The following RBFOX1 variants were observed in gnomAD, a reference collection of about 807,000 sequenced individuals.
The protein encoded by RBFOX1 is RNA binding protein fox-1 homolog 1.
In RBFOX1, 8 loss-of-function variants were observed where a neutral mutation model predicts 57.7. The observed-to-expected ratio is 0.14, with a 90% CI of 0.08 to 0.25. RBFOX1 has a LOEUF of 0.25. RBFOX1 is among the 10% of genes least tolerant of loss of function. The probability of loss-of-function intolerance (pLI) is 1.00; values close to 1 mark genes in which losing one functional copy is unlikely to be tolerated. For missense variants in RBFOX1, 611 were observed against 548.5 expected (o/e 1.11, Z -1.14); for synonymous variants, 326 against 222.4 (o/e 1.47, Z -4.15).
chr16:6,461,661 A>ATGATT (rs1187799890), intron 2 of RBFOX1, among the ~76,000 whole-genome samples: 1 of 152,214 alleles, frequency 6.6e-6, no homozygotes, highest in African/African-American at 2.4e-5. Context: ...TAGGGATAAC[A>ATGATT]TGATTTTGTT....
At chr16:5,757,211 T>G (rs2053429228) in intron 3 of RBFOX1, among the ~76,000 whole-genome samples, 1 of 151,392 alleles carries the variant, frequency 6.6e-6, no homozygotes, top group South Asian at 2.1e-4. Context: ...GGGGAAGGTT[T>G]TTTTTGTTTT....
intron 4 of RBFOX1, among the ~76,000 whole-genome samples, chr16:7,144,778 G>A (rs142986635): frequency 4.6e-4 from 70 of 152,232 alleles, no homozygotes; most frequent in African/African-American, 1.6e-3. Flanking sequence ...ATGAAAAAGA[G>A]CCCTAAATCA....
chr16:5,864,369 A>G (rs1040983195), intron 3 of RBFOX1, among the ~76,000 whole-genome samples: 2 of 152,214 alleles, frequency 1.3e-5, no homozygotes, highest in Admixed American at 6.5e-5. Flanking sequence ...ATCTTAAACA[A>G]TTCAGGAAAA....
intron 3 of RBFOX1, among the ~76,000 whole-genome samples, chr16:5,867,059 A>G (rs1326179489): frequency 6.6e-6 from 1 of 152,136 alleles, no homozygotes; most frequent in Non-Finnish European, 1.5e-5. Flanking sequence ...CAAGATTGTT[A>G]TAATATGTTG....
At chr16:6,500,679 T>C (rs1350924367) in intron 2 of RBFOX1, among the ~76,000 whole-genome samples, 1 of 152,050 alleles carries the variant, frequency 6.6e-6, no homozygotes, top group Non-Finnish European at 1.5e-5. Flanking sequence ...AGAAGAGGCA[T>C]TGAACTCAGG....
chr16:5,520,268 C>T (rs2043961861), intron 2 of RBFOX1, among the ~76,000 whole-genome samples: 1 of 152,108 alleles, frequency 6.6e-6, no homozygotes, highest in Non-Finnish European at 1.5e-5. Context: ...TTTGGAATTC[C>T]TACCCATTAG....
At chr16:5,620,972 C>T (rs1455150896) in intron 3 of RBFOX1, among the ~76,000 whole-genome samples, 1 of 152,070 alleles carries the variant, frequency 6.6e-6, no homozygotes, top group African/African-American at 2.4e-5. Flanking sequence ...TCCCAAGTAG[C>T]TGGGACTATA....
intron 2 of RBFOX1, among the ~76,000 whole-genome samples, chr16:6,603,889 C>G (rs1445547025): frequency 5.3e-5 from 8 of 152,074 alleles, no homozygotes; most frequent in African/African-American, 1.2e-4. Context: ...AGTTTTGATC[C>G]CACACTTTGT....
intron 1 of RBFOX1, among the ~76,000 whole-genome samples, chr16:5,356,333 C>G (rs530601857): frequency 8.5e-5 from 13 of 152,298 alleles, no homozygotes; most frequent in African/African-American, 2.9e-4. Context: ...CGATACATTT[C>G]TGTTGTTTTA....
chr16:6,708,323 A>T (rs1336630821), intron 3 of RBFOX1, among the ~76,000 whole-genome samples: 1 of 151,390 alleles, frequency 6.6e-6, no homozygotes, highest in Non-Finnish European at 1.5e-5. Flanking sequence ...CATTCACAAA[A>T]ATCACTGTCT....
intron 1 of RBFOX1, among the ~76,000 whole-genome samples, chr16:5,257,414 G>T (rs1321955376): frequency 1.3e-5 from 2 of 152,156 alleles, no homozygotes; most frequent in Non-Finnish European, 2.9e-5. Context: ...AGGCTGCATT[G>T]CTGTAAACGT....
At chr16:6,497,578 C>T (rs908693711) in intron 2 of RBFOX1, among the ~76,000 whole-genome samples, 1 of 147,418 alleles carries the variant, frequency 6.8e-6, no homozygotes, top group Non-Finnish European at 1.5e-5. Context: ...AAAAAAAAAA[C>T]AGAGTTTTGC....
chr16:7,693,498 A>C (rs146277927), intron 14 of RBFOX1: 6 of 692,648 alleles, frequency 8.7e-6, no homozygotes, highest in African/African-American at 3.8e-5. Context: ...AAAAGATCTT[A>C]TATCTTTGGA....
chr16:6,824,503 A>G (rs938271438), intron 3 of RBFOX1, among the ~76,000 whole-genome samples: 1 of 152,180 alleles, frequency 6.6e-6, no homozygotes, highest in Non-Finnish European at 1.5e-5. Flanking sequence ...TAAATTCTAT[A>G]TTTCATTTTT....
intron 3 of RBFOX1, among the ~76,000 whole-genome samples, chr16:6,793,644 C>T (rs1056286671): frequency 6.6e-6 from 1 of 152,150 alleles, no homozygotes; most frequent in Non-Finnish European, 1.5e-5. Context: ...AAAAAGAAAT[C>T]TTGAGCCAAA....
intron 2 of RBFOX1, among the ~76,000 whole-genome samples, chr16:6,527,421 T>A (rs1226494896): frequency 6.6e-6 from 1 of 152,114 alleles, no homozygotes; most frequent in Non-Finnish European, 1.5e-5. Context: ...CATCACTTAA[T>A]GTATTTTTGG....
At chr16:5,347,770 C>T (rs555341159) in intron 1 of RBFOX1, among the ~76,000 whole-genome samples, 77 of 144,320 alleles carry the variant, frequency 5.3e-4, no homozygotes, top group African/African-American at 1.9e-3. Flanking sequence ...ACCCACACTT[C>T]CACCCACCCA....
chr16:6,493,401 C>A (rs557968027), intron 2 of RBFOX1, among the ~76,000 whole-genome samples: 1 of 152,192 alleles, frequency 6.6e-6, no homozygotes, highest in African/African-American at 2.4e-5. Context: ...TGTCATTCAT[C>A]GCCGGTACTG....
rs1354076118 is a variant in RBFOX1 at position 5,908,075 on chromosome 16, TATATATATATACACATATATACAC to T, written c.351+40796_351+40819del. 1.0e-3 allele frequency among the ~76,000 whole-genome samples: 118 copies of T among 118,212 alleles called. 2 individuals carry two copies. The highest frequency in any genetic ancestry group is 1.4e-3 in the Non-Finnish European group (75 of 54,996). 77.6% of individuals were successfully genotyped at this position (118,212 alleles called of 152,430 possible). A position where few individuals can be genotyped will look rare whatever the true frequency, so the allele number is the denominator to read the frequency against. ...AGATGTATGTATGTGTGTATGTATATATATATATATACACATATATACACATATATATATACACATATATACACA... is the reference window on the plus strand; with the variant it reads ...AGATGTATGTATGTGTGTATGTATATATATATATATACACATATATACACA... On this transcript the variant is annotated intron_variant, in intron 4 of 19. Transcript: ENST00000641259.
Sources: gnomAD v4.1 joint callset for allele counts (sites outside exome capture counted in the v4.1 genomes callset) on GRCh38, gnomAD v4.1.1 for gene constraint, MANE v1.5 for transcripts, NCBI Gene and HGNC (gene_info 2026-07-23, HGNC 2026-07-21) for gene names.